Variants in ZDHHC3 observed in about 807,000 individuals in gnomAD.
The protein encoded by ZDHHC3 is zDHHC palmitoyltransferase 3.
In ZDHHC3, 9 loss-of-function variants were observed where a neutral mutation model predicts 30.6. The observed-to-expected ratio is 0.29, with a 90% CI of 0.18 to 0.51. The LOEUF is 0.51. Among genes scored for constraint, ZDHHC3 ranks in the 20% least tolerant of loss-of-function variants. The pLI is 0.97. For synonymous variants in ZDHHC3, 136 were observed against 140.2 expected, an observed-to-expected ratio of 0.97 and a Z score of 0.21; for missense variants, 246 against 384.2, an observed-to-expected ratio of 0.64 and a Z score of 3.01.
intron 3 of ZDHHC3, among the ~76,000 whole-genome samples, chr3:44,944,690 C>T (rs1028914050): frequency 5.9e-5 from 9 of 152,194 alleles, no homozygotes; most frequent in Non-Finnish European, 1.0e-4. Flanking sequence ...AAATGGCTTT[C>T]TTTTTTGGTT....
In ZDHHC3 at chr3:44,918,670, CA is replaced by C; in HGVS notation, c.*8018del. The C allele has an allele frequency of 1.0e-6, 1 of 999,290 alleles. No homozygotes were observed. The highest frequency in any genetic ancestry group is 1.2e-6 in the Non-Finnish European group (1 of 836,482). 61.9% of individuals were successfully genotyped at this position (999,290 alleles called of 1,614,324 possible). A position where few individuals can be genotyped will look rare whatever the true frequency, so the allele number is the denominator to read the frequency against. On this transcript the variant is annotated 3_prime_UTR_variant, in exon 7 of 7. Transcript: ENST00000424952. Reference sequence around the variant, plus strand: ...GGTGAAGAAGCGGGTGCTCGTACAGCAAGTGCCAACATGCATTAGGCAGCCG... The same window carrying C: ...GGTGAAGAAGCGGGTGCTCGTACAGCAGTGCCAACATGCATTAGGCAGCCG...
At chr3:44,932,904 T>C (rs763377931) in intron 5 of ZDHHC3, 3 of 1,614,158 alleles carry the variant, frequency 1.9e-6, no homozygotes, top group Non-Finnish European at 2.5e-6. Context: ...CTCATGACTT[T>C]ACCTGTCGAA....
Position 44,959,256 on chromosome 3 carries a change from C to T in ZDHHC3, c.181G>A (p.Val61Met). The T allele has an allele frequency of 6.2e-7, 1 of 1,614,230 alleles. No individual in the cohort carries two copies. Among genetic ancestry groups the T allele is most frequent in the Non-Finnish European group, 8.5e-7 (1 of 1,180,052 alleles). The part of the protein sequence containing the change: ...TWFLVLYAEF[V>M]VLFVMLIPSR... ...GGAATCAGCATGACAAAGAGGACCACGAACTCCGCATAGAGGACCAGAAAC... is the reference window on the plus strand; with the variant it reads ...GGAATCAGCATGACAAAGAGGACCATGAACTCCGCATAGAGGACCAGAAAC... The change falls in exon 2 of 7, where the codon GTG (valine) becomes ATG (methionine). Residue 61 changes from valine to methionine, a missense_variant. By Grantham distance (21) the Val-to-Met change is conservative. Transcript: ENST00000424952. This position sits in a 1 kb window ranked among gnomAD's most constrained non-coding sequence, Gnocchi z 4.3.
Position 44,920,783 on chromosome 3 carries a change from C to G in ZDHHC3, c.*5906G>C, listed in dbSNP as rs972646119. 7.1e-6 allele frequency: 7 copies of G among 985,296 alleles called. No homozygotes were observed. The Admixed American group carries it at 3.7e-4, about 52-fold the overall frequency. The allele number at this position is 985,296 out of a possible 1,614,324, so 61.0% of individuals were successfully genotyped here. A position where few individuals can be genotyped will look rare whatever the true frequency, so the allele number is the denominator to read the frequency against. On this transcript the variant is annotated 3_prime_UTR_variant, in exon 7 of 7. Coordinates refer to ENST00000424952, the MANE Select transcript of ZDHHC3 (RefSeq NM_001135179.2). ...GGCACTCTTGGATTATACTCAACCT[C>G]CTCACCAACCTCATAAAGTATTCCA...
At chr3:44,957,613 G>C (rs1196518747) in intron 2 of ZDHHC3, among the ~76,000 whole-genome samples, 1 of 152,180 alleles carries the variant, frequency 6.6e-6, no homozygotes, top group Non-Finnish European at 1.5e-5. Flanking sequence ...CCATGCTCCT[G>C]CATTCCTACG....
At position 44,922,117 on chromosome 3, in the gene ZDHHC3, T is replaced by C. The variant is rs1700635991; in HGVS notation, c.*4572A>G. ...GTTGGGAGTACGCTGGTCAGTGGCT[T>C]GTTTCTGCTTCACTGTGAATTCTTT... On this transcript the variant is annotated 3_prime_UTR_variant, in exon 7 of 7. Transcript: ENST00000424952. 1 of 985,466 alleles carries C rather than the reference T, an allele frequency of 1.0e-6. No individual in the cohort carries two copies. The highest frequency in any genetic ancestry group is 4.7e-5 in the South Asian group (1 of 21,280). 61.0% of individuals were successfully genotyped at this position (985,466 alleles called of 1,614,324 possible).
rs950252850 is a variant in ZDHHC3, at chr3:44,918,311, C to T, written c.*8378G>A. On this transcript the variant is annotated 3_prime_UTR_variant, in exon 7 of 7. Transcript: ENST00000424952. ...AGTCTGTTGTGGCCCAGGTCACCCCCGGGAGGTCCCTCAGAGGACTGCTGG... is the reference window on the plus strand; with the variant it reads ...AGTCTGTTGTGGCCCAGGTCACCCCTGGGAGGTCCCTCAGAGGACTGCTGG... 6.7e-5 allele frequency: 66 copies of T among 985,130 alleles called. No homozygotes were observed. The highest frequency in any genetic ancestry group is 2.3e-4 in the East Asian group (2 of 8,802). 61.0% of individuals were successfully genotyped at this position (985,130 alleles called of 1,614,324 possible).
intron 3 of ZDHHC3, among the ~76,000 whole-genome samples, chr3:44,939,775 T>A (rs888803253): frequency 6.6e-6 from 1 of 152,192 alleles, no homozygotes; most frequent in Non-Finnish European, 1.5e-5. Flanking sequence ...GGTTTCCCAA[T>A]GGGCTGAGTC....
intron 1 of ZDHHC3, among the ~76,000 whole-genome samples, chr3:44,972,503 T>C (rs980882901): frequency 1.3e-5 from 2 of 152,314 alleles, no homozygotes; most frequent in East Asian, 1.9e-4. Context: ...AGACTCAGCA[T>C]TGCCCTGAAG....
chr3:44,955,128 C>T (rs1464939665), intron 2 of ZDHHC3, among the ~76,000 whole-genome samples: 2 of 152,210 alleles, frequency 1.3e-5, no homozygotes, highest in Non-Finnish European at 1.5e-5. Flanking sequence ...CATGCTGCCT[C>T]CAGGCCAGCC....
intron 6 of ZDHHC3, among the ~76,000 whole-genome samples, chr3:44,927,585 T>C (rs1701107619): frequency 6.6e-6 from 1 of 152,214 alleles, no homozygotes; most frequent in African/African-American, 2.4e-5. Flanking sequence ...GTCCTCCTAG[T>C]GGCTCCTTTG....
Position 44,921,132 on chromosome 3 carries a change from C to T in ZDHHC3, c.*5557G>A. The stretch of plus-strand genomic sequence containing the variant: ...AGCTCTTGCAGGGTGTGTGATGGGC[C>T]TTTTGGCCCAGGTCAGTCTGGGTGA... On this transcript the variant is annotated 3_prime_UTR_variant, in exon 7 of 7. Transcript: ENST00000424952. The T allele has an allele frequency of 1.0e-6, 1 of 985,416 alleles. No individual in the cohort carries two copies. Among genetic ancestry groups the T allele is most frequent in the South Asian group, 4.7e-5 (1 of 21,282 alleles). 61.0% of individuals were successfully genotyped at this position (985,416 alleles called of 1,614,324 possible).
chr3:44,949,521 T>C (rs1703249455), intron 2 of ZDHHC3, among the ~76,000 whole-genome samples: 1 of 152,146 alleles, frequency 6.6e-6, no homozygotes, highest in African/African-American at 2.4e-5. Context: ...TAGAAACAAG[T>C]GGCTTTTGCA....
intron 4 of ZDHHC3, 77 bp from the exon 5 acceptor site, chr3:44,933,276 C>A: frequency 2.9e-6 from 4 of 1,376,738 alleles, no homozygotes; most frequent in Non-Finnish European, 4.1e-6. Flanking sequence ...CAGGGGCACT[C>A]AGAATTTGCC....
Position 44,917,121 on chromosome 3 carries a change from C to T in ZDHHC3, c.*9568G>A, listed in dbSNP as rs1293937949. On this transcript the variant is annotated 3_prime_UTR_variant, in exon 7 of 7. Transcript: ENST00000424952. ...CTGTGAATGGCTAGATATGTAGCCA[C>T]AGGCAGGACAGCTCCCAGCTGTCTC... The T allele has an allele frequency of 6.6e-6, 1 of 152,270 alleles. No homozygotes were observed. The highest frequency in any genetic ancestry group is 1.9e-4 in the East Asian group (1 of 5,194). 9.4% of individuals were successfully genotyped at this position (152,270 alleles called of 1,614,324 possible).
chr3:44,973,619 C>T (rs532470939), intron 1 of ZDHHC3, among the ~76,000 whole-genome samples: 55 of 152,170 alleles, frequency 3.6e-4, no homozygotes, highest in African/African-American at 1.3e-3. Context: ...CCACCATGCC[C>T]GGCTGATTTT....
chr3:44,958,963 C>T (rs1334535943), intron 2 of ZDHHC3, among the ~76,000 whole-genome samples, 168 bp downstream of exon 2: 1 of 152,232 alleles, frequency 6.6e-6, no homozygotes, highest in Middle Eastern at 3.2e-3. Context: ...TCTTCCCTGG[C>T]CAGAATTCCA....
At chr3:44,950,130 C>G (rs1703313156) in intron 2 of ZDHHC3, among the ~76,000 whole-genome samples, 1 of 152,158 alleles carries the variant, frequency 6.6e-6, no homozygotes, top group African/African-American at 2.4e-5. Context: ...AGCCATTGTC[C>G]CCAGCTGTGT....
At position 44,923,539 on chromosome 3, in the gene ZDHHC3, C is replaced by A; in HGVS notation, c.*3150G>T. ...GTACAGGGCTGGGCCCAGTGGCTCA[C>A]GCCTGTAATCCCAGGACTTTGGGAG... On this transcript the variant is annotated 3_prime_UTR_variant, in exon 7 of 7. Transcript: ENST00000424952. The A allele has an allele frequency of 4.1e-6, 4 of 985,330 alleles. No homozygotes were observed. Among genetic ancestry groups the A allele is most frequent in the Non-Finnish European group, 4.8e-6 (4 of 829,876 alleles). 61.0% of individuals were successfully genotyped at this position (985,330 alleles called of 1,614,324 possible). A position where few individuals can be genotyped will look rare whatever the true frequency, so the allele number is the denominator to read the frequency against.
Sources: allele counts gnomAD v4.1 joint callset (sites outside exome capture counted in the v4.1 genomes callset), GRCh38; gene constraint gnomAD v4.1.1; non-coding constraint Gnocchi (gnomAD v3.1); transcripts MANE v1.5; gene names NCBI Gene and HGNC (gene_info 2026-07-23, HGNC 2026-07-21).